SCML2: variants seen among roughly 807,000 people sequenced by gnomAD.
SCML2 encodes the protein Scm polycomb group protein like 2.
A neutral mutation model predicts 48.4 loss-of-function variants in SCML2; 6 were observed. The observed-to-expected ratio is 0.12, with a 90% CI of 0.07 to 0.24. SCML2 has a LOEUF of 0.24. Ranked by LOEUF, SCML2 falls within the 10% of genes least tolerant of loss-of-function variation. SCML2 has a pLI of 1.00. For synonymous variants in SCML2, 181 were observed against 189.5 expected, an observed-to-expected ratio of 0.95 and a Z score of 0.37; for missense variants, 377 against 528.2, an observed-to-expected ratio of 0.71 and a Z score of 2.81.
chrX:18,276,661 G>T (rs933209474), intron 7 of SCML2, among the ~76,000 whole-genome samples: 1 of 112,353 alleles, frequency 8.9e-6, no homozygotes, highest in Non-Finnish European at 1.9e-5. Flanking sequence ...AAAAAGGAAT[G>T]AAGTACTGAT....
chrX:18,302,573 A>G (rs1006685136), intron 7 of SCML2, among the ~76,000 whole-genome samples: 23 of 111,353 alleles, frequency 2.1e-4, no homozygotes, highest in Non-Finnish European at 1.1e-4. Flanking sequence ...TACTGCTTTA[A>G]ATGTCGACCC....
At chrX:18,250,110 A>AC (rs1002945688) in intron 11 of SCML2, among the ~76,000 whole-genome samples, 19 of 110,236 alleles carry the variant, frequency 1.7e-4, no homozygotes, top group South Asian at 3.9e-4. Flanking sequence ...GTTTTCAACA[A>AC]AAAAAAAATG....
chrX:18,271,525 G>C (rs966892851), intron 7 of SCML2, among the ~76,000 whole-genome samples: 1 of 108,717 alleles, frequency 9.2e-6, no homozygotes, highest in African/African-American at 3.4e-5. Context: ...TAGTCAACAG[G>C]TGCTCTCTGA....
chrX:18,351,253 C>G (rs1413917161), intron 1 of SCML2, among the ~76,000 whole-genome samples: 1 of 106,723 alleles, frequency 9.4e-6, no homozygotes, highest in Non-Finnish European at 1.9e-5. Flanking sequence ...CTGGGCAACA[C>G]AGCGAGAGCC....
rs774091339 is a variant in SCML2, at chrX:18,286,139, TTA to T, written c.730+18831_730+18832del. On this transcript the variant is annotated intron_variant, in intron 7 of 14. Transcript: ENST00000251900. ...AGTTTTCAGATTTTCCTCTTATCAC[TTA>T]TTTTCTAAATGTTCTATAATACATA... Among the ~76,000 whole-genome samples, 90 of 111,654 alleles carry T rather than the reference TTA, an allele frequency of 8.1e-4. 1 individual carries two copies. Among genetic ancestry groups the T allele is most frequent in the Admixed American group, 1.7e-3 (18 of 10,466 alleles).
rs111864391 is a variant in SCML2 at position 18,311,398 on chromosome X, CAGAG to C, written c.487-6187_487-6184del. Among the ~76,000 whole-genome samples the C allele has an allele frequency of 2.2e-4, 24 of 108,476 alleles. No homozygotes were observed. The South Asian group carries it at 4.3e-3, about 19-fold the overall frequency. The allele number at this position is 108,476 out of a possible 115,157, so 94.2% of individuals were successfully genotyped here. On this transcript the variant is annotated intron_variant, in intron 6 of 14. Transcript: ENST00000251900. ...TACATTAGAAATGATAAATGCTATG[CAGAG>C]AGAGAGAGAGAGAGAACAGCACAAT...
intron 3 of SCML2, among the ~76,000 whole-genome samples, chrX:18,325,648 T>C (rs1330857631): frequency 8.9e-6 from 1 of 111,909 alleles, no homozygotes; most frequent in Non-Finnish European, 1.9e-5. Context: ...TGACATATTA[T>C]AATGTTAGAA....
Position 18,312,978 on chromosome X carries a change from CGTGTGTGT to C in SCML2, c.486+7346_486+7353del, listed in dbSNP as rs72406000. On this transcript the variant is annotated intron_variant, in intron 6 of 14. Transcript: ENST00000251900. ...GACGTTTGGAGCCAGAATGGGTGTG[CGTGTGTGT>C]GTGTGTGTGTGTGTGTGTGTGCGCG... is the stretch of plus-strand genomic sequence containing the variant. Among the ~76,000 whole-genome samples the C allele has an allele frequency of 1.2e-4, 11 of 94,994 alleles. No homozygotes were observed. In the South Asian group the frequency reaches 2.2e-3, roughly 19 times the overall value. 82.5% of individuals were successfully genotyped at this position (94,994 alleles called of 115,157 possible). A position where few individuals can be genotyped will look rare whatever the true frequency, so the allele number is the denominator to read the frequency against.
In SCML2 at chrX:18,324,239, A is replaced by AT. The variant is rs1240886516; in HGVS notation, c.163-147_163-146insA. 9.0e-6 allele frequency: 4 copies of AT among 444,465 alleles called. No homozygotes were observed. In the African/African-American group the frequency reaches 9.9e-5, roughly 11 times the overall value. 36.6% of individuals were successfully genotyped at this position (444,465 alleles called of 1,213,427 possible). ...AGGTCAGAGCTGTAAGAGTCAAGGA[A>AT]AAGATCTTCAAAATTCTCTCCTTGG... is the stretch of plus-strand genomic sequence containing the variant. On this transcript the variant is annotated intron_variant, in intron 4 of 14. Transcript: ENST00000251900.
chrX:18,251,309 CAAAAAAAAAAAAAA>C (rs750658948), intron 11 of SCML2, among the ~76,000 whole-genome samples: 14 of 6,772 alleles, frequency 2.1e-3, no homozygotes, highest in South Asian at 0.02. Context: ...GATTCCATTG[CAAAAAAAAAAAAAA>C]AAAAAAAAAA....
At chrX:18,335,544 G>A (rs946523970) in intron 1 of SCML2, among the ~76,000 whole-genome samples, 1 of 111,113 alleles carries the variant, frequency 9.0e-6, no homozygotes, top group Non-Finnish European at 1.9e-5. Context: ...CTATACAAAT[G>A]AATTCAGTCC....
intron 13 of SCML2, 33 bp from the exon 14 acceptor site, chrX:18,242,623 TTGACC>T: frequency 8.5e-7 from 1 of 1,176,219 alleles, no homozygotes; most frequent in Non-Finnish European, 1.1e-6. Context: ...CAAATCATAC[TTGACC>T]TGATCATTAT....
chrX:18,349,401 CATG>C (rs1930301444), intron 1 of SCML2, among the ~76,000 whole-genome samples: 1 of 112,481 alleles, frequency 8.9e-6, no homozygotes, highest in Non-Finnish European at 1.9e-5. Context: ...GTCAAATGAT[CATG>C]ATATTAAGAT....
At chrX:18,267,545 T>C (rs1463472455) in intron 7 of SCML2, among the ~76,000 whole-genome samples, 1 of 110,795 alleles carries the variant, frequency 9.0e-6, no homozygotes, top group African/African-American at 3.3e-5. Context: ...ATCTCACGCT[T>C]TGAAGGCCAC....
chrX:18,277,845 C>A (rs1484336644), intron 7 of SCML2, among the ~76,000 whole-genome samples: 1 of 111,304 alleles, frequency 9.0e-6, no homozygotes, highest in Non-Finnish European at 1.9e-5. Flanking sequence ...GCCAACTAGA[C>A]ACAGCAGGAA....
chrX:18,256,289 T>C (rs1219221493), intron 11 of SCML2, among the ~76,000 whole-genome samples: 1 of 110,820 alleles, frequency 9.0e-6, no homozygotes, highest in Admixed American at 9.6e-5. Context: ...CTGTCTCTAC[T>C]AAAAATACAA....
At chrX:18,331,443 C>A (rs908155300) in intron 2 of SCML2, among the ~76,000 whole-genome samples, 1 of 109,926 alleles carries the variant, frequency 9.1e-6, no homozygotes, top group Non-Finnish European at 1.9e-5. Context: ...TTTCTTGGTG[C>A]TAAGCTAAAG....
At chrX:18,272,268 G>T (rs1927487698) in intron 7 of SCML2, among the ~76,000 whole-genome samples, 1 of 112,126 alleles carries the variant, frequency 8.9e-6, no homozygotes, top group African/African-American at 3.2e-5. Context: ...AAGCATAGAA[G>T]TCCTTTAAAT....
chrX:18,305,087 T>A lies in SCML2; in HGVS notation c.615A>T (p.Thr205=), dbSNP rs370709487. The change falls in exon 7 of 15, where the codon ACA becomes ACT. Residue 205 remains threonine (T), a synonymous_variant. Coordinates refer to ENST00000251900, the MANE Select transcript of SCML2 (RefSeq NM_006089.3). ...GDVKGDEVHI[T]FDGWSGAFDY... is the part of the protein sequence containing the mutation. The stretch of plus-strand genomic sequence containing the variant: ...CAAAAGCTCCACTCCAGCCATCAAA[T>A]GTGATATGAACTTCATCCCCTTTAA... 2 of 1,211,774 alleles carry A rather than the reference T, an allele frequency of 1.7e-6. No homozygotes were observed.
Sources: gnomAD v4.1 joint callset for allele counts (sites outside exome capture counted in the v4.1 genomes callset) on GRCh38, gnomAD v4.1.1 for gene constraint, MANE v1.5 for transcripts, NCBI Gene and HGNC (gene_info 2026-07-23, HGNC 2026-07-21) for gene names.